The following ETV6 variants were observed in gnomAD, a reference collection of about 807,000 sequenced individuals.
ETV6 encodes transcription factor ETV6.
In ETV6, 16 loss-of-function variants were observed where a neutral mutation model predicts 51.1. The observed-to-expected ratio is 0.31, with a 90% CI of 0.21 to 0.48. The LOEUF (loss-of-function observed/expected upper bound fraction) is 0.48, where lower values mean the gene tolerates loss of function less well. ETV6 is among the 20% of genes least tolerant of loss of function. ETV6 has a pLI of 0.99. For synonymous variants in ETV6, 240 were observed against 224.1 expected (o/e 1.07, Z -0.64); for missense variants, 458 against 594.8 (o/e 0.77, Z 2.39).
intron 2 of ETV6, among the ~76,000 whole-genome samples, chr12:11,838,864 C>T (rs1412662567): frequency 6.6e-6 from 1 of 152,206 alleles, no homozygotes; most frequent in African/African-American, 2.4e-5. Context: ...CATTTTGCCT[C>T]TAAATAAAAA....
At chr12:11,677,941 G>T (rs1393442280) in intron 1 of ETV6, among the ~76,000 whole-genome samples, 2 of 152,190 alleles carry the variant, frequency 1.3e-5, no homozygotes, top group East Asian at 3.9e-4. Context: ...TTCCCCTCGT[G>T]CAGTTCTCTG....
At chr12:11,657,953 A>G (rs1864031500) in intron 1 of ETV6, among the ~76,000 whole-genome samples, 1 of 152,224 alleles carries the variant, frequency 6.6e-6, no homozygotes, top group Non-Finnish European at 1.5e-5. Flanking sequence ...AAGAGTACAG[A>G]CAATGGAGTA....
chr12:11,674,508 A>C (rs1166662270), intron 1 of ETV6, among the ~76,000 whole-genome samples: 9 of 152,112 alleles, frequency 5.9e-5, no homozygotes, highest in African/African-American at 2.2e-4. Context: ...TATAATGAAT[A>C]TATGCAGAAA....
intron 4 of ETV6, among the ~76,000 whole-genome samples, chr12:11,866,973 CT>C (rs1281683078): frequency 6.6e-6 from 1 of 152,222 alleles, no homozygotes; most frequent in African/African-American, 2.4e-5. Context: ...TATCTTCTAA[CT>C]GCCCCTGTGC....
chr12:11,694,341 A>G (rs150985032), intron 1 of ETV6, among the ~76,000 whole-genome samples: 1 of 152,196 alleles, frequency 6.6e-6, no homozygotes, highest in Non-Finnish European at 1.5e-5. Context: ...GCTATGTAAG[A>G]TGTAATGCAC....
chr12:11,677,108 C>G (rs1217223350), intron 1 of ETV6, among the ~76,000 whole-genome samples: 1 of 152,140 alleles, frequency 6.6e-6, no homozygotes, highest in Non-Finnish European at 1.5e-5. Context: ...AAACCCAATC[C>G]GAATCAACTA....
intron 5 of ETV6, 128 bp from the exon 6 acceptor site, chr12:11,884,316 GA>G (rs1947154144): frequency 2.9e-6 from 3 of 1,023,898 alleles, no homozygotes; most frequent in African/African-American, 3.2e-5. Flanking sequence ...GTAAAACAAG[GA>G]AGTTAGTTAG....
intron 2 of ETV6, among the ~76,000 whole-genome samples, chr12:11,759,212 C>A (rs1271430850): frequency 6.6e-6 from 1 of 150,430 alleles, no homozygotes; most frequent in Non-Finnish European, 1.5e-5. Context: ...CTGACCTTTT[C>A]TTTCACTTCA....
intron 1 of ETV6, among the ~76,000 whole-genome samples, chr12:11,714,345 C>T (rs1042418100): frequency 6.6e-6 from 1 of 152,170 alleles, no homozygotes; most frequent in Non-Finnish European, 1.5e-5. Context: ...GCCTCATGTC[C>T]AACATCTCAT....
At chr12:11,703,551 C>A (rs973260337) in intron 1 of ETV6, among the ~76,000 whole-genome samples, 1 of 152,060 alleles carries the variant, frequency 6.6e-6, no homozygotes, top group Admixed American at 6.5e-5. Flanking sequence ...ATACTCTGCC[C>A]TTATGGGGCT....
Position 11,891,646 on chromosome 12 carries a change from C to G in ETV6, c.*600C>G. On this transcript the variant is annotated 3_prime_UTR_variant, in exon 8 of 8. Coordinates refer to ENST00000396373, the MANE Select transcript of ETV6 (RefSeq NM_001987.5). Reference sequence around the variant, plus strand: ...AAAAGATAAAATGAAAAGGAGAGCTCTCTTTTTCTCTCTCTTGCTCTGTTC... The same window carrying G: ...AAAAGATAAAATGAAAAGGAGAGCTGTCTTTTTCTCTCTCTTGCTCTGTTC... 1 of 526,768 alleles carries G rather than the reference C, an allele frequency of 1.9e-6. No individual in the cohort carries two copies. The highest frequency in any genetic ancestry group is 3.7e-6 in the Non-Finnish European group (1 of 273,040). The allele number at this position is 526,768 out of a possible 1,614,324, so 32.6% of individuals were successfully genotyped here.
chr12:11,839,589 G>T (rs1297089434), intron 3 of ETV6, among the ~76,000 whole-genome samples: 1 of 152,182 alleles, frequency 6.6e-6, no homozygotes, highest in African/African-American at 2.4e-5. Flanking sequence ...CCACTAAGAA[G>T]AAAAAGAAGG....
In ETV6 at chr12:11,869,833, G is replaced by C; in HGVS notation, c.873G>C (p.Arg291Ser). Residue 291 changes from arginine (R) to serine (S), a missense_variant, in exon 5 of 8, where the codon AGG becomes AGC. Transcript: ENST00000396373. This position sits in a 1 kb window ranked among gnomAD's most constrained non-coding sequence, Gnocchi z 5.0. ...ACTCCGTGGATTTCAAACAGTCCAGGCTCTCCGAGGACGGGCTGCATAGGG... is the reference window on the plus strand; with the variant it reads ...ACTCCGTGGATTTCAAACAGTCCAGCCTCTCCGAGGACGGGCTGCATAGGG... ...PRHSVDFKQS[R>S]LSEDGLHREG... 6.2e-7 allele frequency: 1 copy of C among 1,613,360 alleles called. No individual in the cohort carries two copies. Among genetic ancestry groups the C allele is most frequent in the South Asian group, 1.1e-5 (1 of 91,086 alleles).
intron 1 of ETV6, among the ~76,000 whole-genome samples, chr12:11,672,077 C>T (rs1448335807): frequency 2.0e-5 from 3 of 151,646 alleles, no homozygotes; most frequent in African/African-American, 4.9e-5. Context: ...TGCCTGTCTG[C>T]CTTGTCACCT....
intron 3 of ETV6, 74 bp from the exon 4 acceptor site, chr12:11,853,353 A>T (rs1946584785): frequency 6.3e-7 from 1 of 1,581,756 alleles, no homozygotes; most frequent in Admixed American, 1.7e-5. Flanking sequence ...CCAGGCACTT[A>T]GCTGCTGCTC....
chr12:11,752,829 A>G (rs1272658105), intron 2 of ETV6: 2 of 382,544 alleles, frequency 5.2e-6, no homozygotes, highest in Admixed American at 4.2e-5. Context: ...GAAACCTGGA[A>G]ACATGCAGTA....
intron 1 of ETV6, among the ~76,000 whole-genome samples, chr12:11,731,169 G>A (rs1778769623): frequency 6.6e-6 from 1 of 152,200 alleles, no homozygotes; most frequent in Admixed American, 6.5e-5. Context: ...TCATGACTAA[G>A]TCTAGAAAGG....
At chr12:11,762,555 T>C (rs898492810) in intron 2 of ETV6, among the ~76,000 whole-genome samples, 1 of 152,172 alleles carries the variant, frequency 6.6e-6, no homozygotes, top group Non-Finnish European at 1.5e-5. Flanking sequence ...CATTAATTAA[T>C]TATGGGAGAA....
chr12:11,773,325 A>T (rs1045004855), intron 2 of ETV6, among the ~76,000 whole-genome samples: 7 of 151,086 alleles, frequency 4.6e-5, no homozygotes, highest in South Asian at 2.1e-4. Flanking sequence ...ATATATATAA[A>T]TTTTTTTTTA....
Sources: allele counts gnomAD v4.1 joint callset (sites outside exome capture counted in the v4.1 genomes callset), GRCh38; gene constraint gnomAD v4.1.1; non-coding constraint Gnocchi (gnomAD v3.1); transcripts MANE v1.5; gene names NCBI Gene and HGNC (gene_info 2026-07-23, HGNC 2026-07-21).